The following SDK2 variants were observed in gnomAD, a reference collection of about 807,000 sequenced individuals.
SDK2 encodes protein sidekick-2.
In SDK2, 105 loss-of-function variants were observed where a neutral mutation model predicts 253.9. The ratio of observed to expected loss-of-function variants is 0.41; its 90% CI spans 0.35 to 0.49. The LOEUF (loss-of-function observed/expected upper bound fraction) is 0.49, where lower values mean the gene tolerates loss of function less well. Among genes scored for constraint, SDK2 ranks in the 20% least tolerant of loss-of-function variants. The pLI is 0.06. For missense variants in SDK2, 2,608 were observed against 3,003.0 expected (o/e 0.87, Z 3.07); for synonymous variants, 1,249 against 1,234.9 (o/e 1.01, Z -0.24).
At chr17:73,615,536 G>A (rs921137772) in intron 1 of SDK2, among the ~76,000 whole-genome samples, 1 of 152,200 alleles carries the variant, frequency 6.6e-6, no homozygotes, top group African/African-American at 2.4e-5. Context: ...TCACCAAAAA[G>A]AAGGGAGACA....
rs116482357 is a variant in SDK2, at chr17:73,384,236, G to A, written c.4570-225C>T. ...GAGGGAAGGGCAGGAATCAGTAATCGCCTTTTATCCAAGCAGGAAACTGAG... is the reference window on the plus strand; with the variant it reads ...GAGGGAAGGGCAGGAATCAGTAATCACCTTTTATCCAAGCAGGAAACTGAG... On this transcript the variant is annotated intron_variant, in intron 32 of 44. Transcript: ENST00000392650. Among the ~76,000 whole-genome samples the A allele has an allele frequency of 2.9e-3, 443 of 152,270 alleles. 2 individuals carry two copies. The highest frequency in any genetic ancestry group is 0.01 in the African/African-American group (436 of 41,552).
chr17:73,426,226 T>C (rs1599555396), intron 12 of SDK2, among the ~76,000 whole-genome samples: 1 of 130,918 alleles, frequency 7.6e-6, no homozygotes, highest in Non-Finnish European at 1.6e-5. Context: ...TTTTTTTTTT[T>C]TTTTTTTTTT....
intron 3 of SDK2, among the ~76,000 whole-genome samples, chr17:73,461,083 CATCCTGCATTGCA>C: frequency 6.6e-6 from 1 of 152,368 alleles, no homozygotes; most frequent in South Asian, 2.1e-4. Context: ...TCCTGAGTCG[CATCCTGCATTGCA>C]ATCCTGCATA....
At position 73,447,106 on chromosome 17, in the gene SDK2, G is replaced by A. The variant is rs2063458107; in HGVS notation, c.613+509C>T. Among the ~76,000 whole-genome samples, 1 of 152,128 alleles carries A rather than the reference G, an allele frequency of 6.6e-6. No individual in the cohort carries two copies. Among genetic ancestry groups the A allele is most frequent in the African/African-American group, 2.4e-5 (1 of 41,408 alleles). Reference sequence around the variant, plus strand: ...GTCTGAGGATGGAGGTGTTTTAGGTGGGTGCCTGGGCAGAGGGCCTGTCTT... The same window carrying A: ...GTCTGAGGATGGAGGTGTTTTAGGTAGGTGCCTGGGCAGAGGGCCTGTCTT... On this transcript the variant is annotated intron_variant, in intron 5 of 44. Transcript: ENST00000392650. This position sits in a 1 kb window ranked among gnomAD's most constrained non-coding sequence, Gnocchi z 4.0.
intron 1 of SDK2, among the ~76,000 whole-genome samples, chr17:73,624,418 G>A (rs1414576399): frequency 3.3e-5 from 5 of 152,154 alleles, no homozygotes; most frequent in African/African-American, 1.2e-4. Flanking sequence ...TCTTGAATCC[G>A]GGAGTGGCAG....
intron 1 of SDK2, among the ~76,000 whole-genome samples, chr17:73,508,651 C>G (rs763176544): frequency 6.6e-6 from 1 of 152,182 alleles, no homozygotes. Flanking sequence ...CATGACTAGA[C>G]AGGATTACAA....
chr17:73,447,864 C>T lies in SDK2; in HGVS notation c.480-116G>A. 8.0e-7 allele frequency: 1 copy of T among 1,249,346 alleles called. No individual in the cohort carries two copies. The highest frequency in any genetic ancestry group is 1.1e-6 in the Non-Finnish European group (1 of 896,564). The allele number at this position is 1,249,346 out of a possible 1,614,324, so 77.4% of individuals were successfully genotyped here. ...ACCATATCTCCCAGTCCCCAGCCTCCCAGGGCCCCTCCTGCCACCCCCTCC... is the reference window on the plus strand; with the variant it reads ...ACCATATCTCCCAGTCCCCAGCCTCTCAGGGCCCCTCCTGCCACCCCCTCC... On this transcript the variant is annotated intron_variant, in intron 4 of 44. Coordinates refer to ENST00000392650, the MANE Select transcript of SDK2 (RefSeq NM_001144952.2). This position sits in a 1 kb window ranked among gnomAD's most constrained non-coding sequence, Gnocchi z 4.0.
chr17:73,373,143 A>T (rs1112638), intron 36 of SDK2, among the ~76,000 whole-genome samples: 29,071 of 152,188 alleles, frequency 0.19, 4,765 homozygotes, highest in African/African-American at 0.43. Context: ...TGTGCTTGGT[A>T]CATTTCATTT....
At chr17:73,409,092 G>A (rs1283136483) in intron 18 of SDK2, among the ~76,000 whole-genome samples, 1 of 152,218 alleles carries the variant, frequency 6.6e-6, no homozygotes, top group Admixed American at 6.5e-5. Context: ...AACATACCTG[G>A]CTGGGAGTTG....
chr17:73,531,544 G>C (rs1442141673), intron 1 of SDK2, among the ~76,000 whole-genome samples: 3 of 152,136 alleles, frequency 2.0e-5, no homozygotes, highest in African/African-American at 7.2e-5. Flanking sequence ...CACCTGCTAA[G>C]TATTCCTTAA....
chr17:73,398,442 A>T lies in SDK2; in HGVS notation c.3094-13T>A. The T allele has an allele frequency of 1.2e-6, 2 of 1,608,888 alleles. No homozygotes were observed. The highest frequency in any genetic ancestry group is 1.7e-6 in the Non-Finnish European group (2 of 1,175,780). ...CAACCACGCCTACCTGGAAAAGGGC[A>T]GGATCTTAGGCCTGTCCAGCCTACA... On this transcript the variant is annotated splice_polypyrimidine_tract_variant and intron_variant, in intron 22 of 44. Coordinates refer to ENST00000392650, the MANE Select transcript of SDK2 (RefSeq NM_001144952.2).
chr17:73,409,853 G>GTGTC (rs149408775), intron 18 of SDK2, among the ~76,000 whole-genome samples: 1 of 151,858 alleles, frequency 6.6e-6, no homozygotes. Flanking sequence ...GTCTGTCTCT[G>GTGTC]TCTCTCTCTT....
chr17:73,537,757 T>C (rs1408047877), intron 1 of SDK2, among the ~76,000 whole-genome samples: 1 of 152,088 alleles, frequency 6.6e-6, no homozygotes, highest in Non-Finnish European at 1.5e-5. Context: ...TGATGGTGCA[T>C]CTCCCGGCTG....
chr17:73,567,189 C>A (rs559530244), intron 1 of SDK2, among the ~76,000 whole-genome samples: 126 of 152,374 alleles, frequency 8.3e-4, no homozygotes, highest in Middle Eastern at 3.4e-3. Context: ...CCCTGCATCC[C>A]TGGCTGCTTC....
chr17:73,600,727 C>T (rs2143051490), intron 1 of SDK2, among the ~76,000 whole-genome samples: 1 of 152,344 alleles, frequency 6.6e-6, no homozygotes, highest in South Asian at 2.1e-4. Context: ...CATCAAGAGG[C>T]ATTTATTGTT....
rs2063163951 is a variant in SDK2, at chr17:73,414,506, A to C, written c.2484+138T>G. 3.0e-6 allele frequency: 2 copies of C among 666,166 alleles called. 1 individual carries two copies. Among genetic ancestry groups the C allele is most frequent in the Non-Finnish European group, 5.3e-6 (2 of 375,292 alleles). The allele number at this position is 666,166 out of a possible 1,614,324, so 41.3% of individuals were successfully genotyped here. ...GAAGGCCTGGAACTCTTTTCCTCTA[A>C]TGTGTGTCCCTAGCTTGACTCGAGC... On this transcript the variant is annotated intron_variant, in intron 18 of 44. Coordinates refer to ENST00000392650, the MANE Select transcript of SDK2 (RefSeq NM_001144952.2).
intron 2 of SDK2, among the ~76,000 whole-genome samples, chr17:73,489,485 G>A (rs143091219): frequency 6.6e-6 from 1 of 152,318 alleles, no homozygotes; most frequent in East Asian, 1.9e-4. Context: ...GTGATGGCAT[G>A]AACCCTGCCA....
intron 1 of SDK2, among the ~76,000 whole-genome samples, chr17:73,575,591 A>G (rs1314807707): frequency 6.6e-6 from 1 of 152,250 alleles, no homozygotes; most frequent in Non-Finnish European, 1.5e-5. Context: ...TGCAGAATAG[A>G]GCAGTCATCA....
intron 1 of SDK2, among the ~76,000 whole-genome samples, chr17:73,552,859 T>C (rs1400665346): frequency 1.3e-5 from 2 of 152,252 alleles, no homozygotes; most frequent in Non-Finnish European, 2.9e-5. Flanking sequence ...GCCCTCTCCT[T>C]GGCAAGTTCT....
Sources: allele counts gnomAD v4.1 joint callset (sites outside exome capture counted in the v4.1 genomes callset), GRCh38; gene constraint gnomAD v4.1.1; non-coding constraint Gnocchi (gnomAD v3.1); transcripts MANE v1.5; gene names NCBI Gene and HGNC (gene_info 2026-07-23, HGNC 2026-07-21).